The following MTFMT variants were observed in gnomAD, a reference collection of about 807,000 sequenced individuals.
MTFMT encodes methionyl-tRNA formyltransferase, mitochondrial.
In MTFMT, 47 loss-of-function variants were observed where a neutral mutation model predicts 51.8. The observed-to-expected ratio is 0.91, with a 90% CI of 0.72 to 1.16. MTFMT has a LOEUF of 1.16. Ranked by LOEUF, MTFMT falls within the 50% of genes most tolerant of loss-of-function variation. The pLI, the probability that MTFMT is intolerant of heterozygous loss-of-function variation, is 0.00. For synonymous variants in MTFMT, 196 were observed against 176.7 expected, an observed-to-expected ratio of 1.11 and a Z score of -0.87; for missense variants, 512 against 482.3, an observed-to-expected ratio of 1.06 and a Z score of -0.58.
intron 1 of MTFMT, among the ~76,000 whole-genome samples, chr15:65,029,000 G>A (rs1218930897): frequency 6.6e-6 from 1 of 152,104 alleles, no homozygotes; most frequent in Non-Finnish European, 1.5e-5. Flanking sequence ...AGTGGGACCT[G>A]GTTTTAGTCC....
intron 6 of MTFMT, among the ~76,000 whole-genome samples, chr15:65,014,728 A>G (rs1195295829): frequency 6.6e-6 from 1 of 151,602 alleles, no homozygotes; most frequent in Non-Finnish European, 1.5e-5. Flanking sequence ...CCTAGGTTCA[A>G]GCAATTTTCT....
chr15:65,024,916 C>T (rs1397488141), intron 2 of MTFMT, among the ~76,000 whole-genome samples: 1 of 152,106 alleles, frequency 6.6e-6, no homozygotes, highest in Non-Finnish European at 1.5e-5. Flanking sequence ...AATAACTACG[C>T]ATATATATGG....
intron 2 of MTFMT, among the ~76,000 whole-genome samples, chr15:65,024,825 G>A (rs2086407983): frequency 6.6e-6 from 1 of 152,172 alleles, no homozygotes; most frequent in South Asian, 2.1e-4. Context: ...AGGACTATGA[G>A]GGGGACATAT....
chr15:65,009,331 A>G (rs1225143961), intron 6 of MTFMT, among the ~76,000 whole-genome samples: 1 of 152,212 alleles, frequency 6.6e-6, no homozygotes, highest in African/African-American at 2.4e-5. Flanking sequence ...TGTCTACTTG[A>G]TATCTCCATA....
At chr15:65,017,025 A>C (rs936045691) in intron 5 of MTFMT, among the ~76,000 whole-genome samples, 16 of 150,328 alleles carry the variant, frequency 1.1e-4, no homozygotes, top group Non-Finnish European at 2.1e-4. Flanking sequence ...TAAGTGATCC[A>C]CCCGCCTCAT....
chr15:65,005,299 C>A (rs1343378189), intron 7 of MTFMT, among the ~76,000 whole-genome samples: 1 of 152,178 alleles, frequency 6.6e-6, no homozygotes, highest in Non-Finnish European at 1.5e-5. Flanking sequence ...CCAAACAAAT[C>A]CTAATTCCTA....
Position 65,027,021 on chromosome 15 carries a change from A to C in MTFMT, c.229T>G (p.Leu77Val), listed in dbSNP as rs2086431100. 6.2e-7 allele frequency: 1 copy of C among 1,613,708 alleles called. No homozygotes were observed. The highest frequency in any genetic ancestry group is 1.7e-5 in the Admixed American group (1 of 59,966). ...GTGACCACCTCCAGTTTGTCGATTA[A>C]CTCTTCTTCTTTGTTTTCCCTAAAT... ...HAARENKEEELIDKLEVVTMP... is the reference protein window; with the variant it reads ...HAARENKEEEVIDKLEVVTMP... Residue 77 changes from leucine (L) to valine (V), a missense_variant, in exon 2 of 9, where the codon TTA (leucine) becomes GTA (valine). Coordinates refer to ENST00000220058, the MANE Select transcript of MTFMT (RefSeq NM_139242.4).
intron 6 of MTFMT, among the ~76,000 whole-genome samples, chr15:65,009,122 C>G (rs112568747): frequency 0.012 from 1,797 of 152,262 alleles, 10 homozygotes; most frequent in South Asian, 0.019. Flanking sequence ...AAAGCAGAAG[C>G]TCAAAGACAA....
At chr15:65,027,188 C>A in intron 1 of MTFMT, 148 bp from the exon 2 acceptor site, 2 of 626,288 alleles carry the variant, frequency 3.2e-6, no homozygotes, top group Non-Finnish European at 2.7e-6. Context: ...ACTGAGTTTT[C>A]ATTTTTTCTT....
At chr15:65,013,213 C>G (rs1457277936) in intron 6 of MTFMT, among the ~76,000 whole-genome samples, 1 of 151,932 alleles carries the variant, frequency 6.6e-6, no homozygotes, top group Non-Finnish European at 1.5e-5. Context: ...ACTTTGAGAG[C>G]GCAGACATCT....
intron 3 of MTFMT, among the ~76,000 whole-genome samples, chr15:65,023,279 T>A (rs2086391048): frequency 1.3e-5 from 2 of 152,214 alleles, no homozygotes; most frequent in Admixed American, 6.5e-5. Flanking sequence ...CATATTGATA[T>A]ACAATATATT....
chr15:65,009,041 A>T (rs184132399), intron 6 of MTFMT, among the ~76,000 whole-genome samples: 21 of 152,272 alleles, frequency 1.4e-4, no homozygotes, highest in Admixed American at 1.2e-3. Context: ...ATGAATTTAC[A>T]TTCACCTAGT....
In MTFMT at chr15:65,001,985, G is replaced by C. The variant is rs2086179852; in HGVS notation, c.*1077C>G. 1 of 152,180 alleles carries C rather than the reference G, an allele frequency of 6.6e-6. No individual in the cohort carries two copies. The highest frequency in any genetic ancestry group is 2.1e-4 in the South Asian group (1 of 4,828). 9.4% of individuals were successfully genotyped at this position (152,180 alleles called of 1,614,324 possible). A position where few individuals can be genotyped will look rare whatever the true frequency, so the allele number is the denominator to read the frequency against. Reference sequence around the variant, plus strand: ...ACTACTTGGTTAAATCTAGCTGGTAGTGAAATGTAAAGAGCTGGATTTACT... The same window carrying C: ...ACTACTTGGTTAAATCTAGCTGGTACTGAAATGTAAAGAGCTGGATTTACT... On this transcript the variant is annotated 3_prime_UTR_variant, in exon 9 of 9. Coordinates refer to ENST00000220058, the MANE Select transcript of MTFMT (RefSeq NM_139242.4).
intron 3 of MTFMT, among the ~76,000 whole-genome samples, chr15:65,022,686 T>C (rs1346563428): frequency 6.6e-6 from 1 of 151,362 alleles, no homozygotes; most frequent in Non-Finnish European, 1.5e-5. Flanking sequence ...TAATGAATCA[T>C]CATATACACA....
chr15:65,027,990 G>C (rs552166861), intron 1 of MTFMT, among the ~76,000 whole-genome samples: 1 of 152,322 alleles, frequency 6.6e-6, no homozygotes, highest in East Asian at 1.9e-4. Flanking sequence ...CTGCTGCATA[G>C]CATTCTAGTA....
Position 65,002,925 on chromosome 15 carries a change from T to C in MTFMT, c.*137A>G, listed in dbSNP as rs2086187820. 6 of 539,704 alleles carry C rather than the reference T, an allele frequency of 1.1e-5. No homozygotes were observed. The highest frequency in any genetic ancestry group is 1.1e-3 in the Middle Eastern group (2 of 1,856). 33.4% of individuals were successfully genotyped at this position (539,704 alleles called of 1,614,324 possible). ...TTGCAGTGAGCTGAGATAGTGCCAC[T>C]GGATTCCAGCCTGGGTGACAGAGTG... On this transcript the variant is annotated 3_prime_UTR_variant, in exon 9 of 9. Transcript: ENST00000220058.
rs963977356 is a variant in MTFMT, at chr15:65,021,342, A to G, written c.645+172T>C. 3.9e-5 allele frequency among the ~76,000 whole-genome samples: 6 copies of G among 152,372 alleles called. No individual in the cohort carries two copies. In the East Asian group the frequency reaches 5.8e-4, roughly 15 times the overall value. On this transcript the variant is annotated intron_variant, in intron 4 of 8. Transcript: ENST00000220058. Reference sequence around the variant, plus strand: ...CAGTACTTACTCTTTGTAAATTCTCAAAGATTTACATGAGATCACAAATGC... The same window carrying G: ...CAGTACTTACTCTTTGTAAATTCTCGAAGATTTACATGAGATCACAAATGC...
At chr15:65,010,312 G>GT (rs2086253282) in intron 6 of MTFMT, among the ~76,000 whole-genome samples, 1 of 151,748 alleles carries the variant, frequency 6.6e-6, no homozygotes, top group Non-Finnish European at 1.5e-5. Context: ...AATGTCACTC[G>GT]TTTTTTTCTT....
intron 6 of MTFMT, among the ~76,000 whole-genome samples, chr15:65,010,114 C>A (rs2086251405): frequency 6.6e-6 from 1 of 152,200 alleles, no homozygotes; most frequent in African/African-American, 2.4e-5. Context: ...ATCTTGCCAG[C>A]TATGCTCCAG....
Sources: gnomAD v4.1 joint callset for allele counts (sites outside exome capture counted in the v4.1 genomes callset) on GRCh38, gnomAD v4.1.1 for gene constraint, MANE v1.5 for transcripts, NCBI Gene and HGNC (gene_info 2026-07-23, HGNC 2026-07-21) for gene names.